The following ELP1 variants were observed in gnomAD, a reference collection of about 807,000 sequenced individuals.
ELP1 encodes elongator acetyltransferase complex subunit 1.
In ELP1, 131 loss-of-function variants were observed where a neutral mutation model predicts 183.2. The ratio of observed to expected loss-of-function variants is 0.72; its 90% CI spans 0.62 to 0.83. The LOEUF is 0.83. ELP1 is among the 40% of genes least tolerant of loss of function. The pLI is 0.00. For synonymous variants in ELP1, 555 were observed against 569.0 expected (o/e 0.98, Z 0.35); for missense variants, 1,550 against 1,594.9 (o/e 0.97, Z 0.48).
intron 29 of ELP1, among the ~76,000 whole-genome samples, chr9:108,887,495 T>C (rs1587880722): frequency 6.6e-6 from 1 of 152,164 alleles, no homozygotes; most frequent in Admixed American, 6.6e-5. Context: ...TTTAGCAAGG[T>C]TGCAGGATAC....
At chr9:108,912,777 CAG>C (rs1003884146) in intron 10 of ELP1, among the ~76,000 whole-genome samples, 19 of 136,042 alleles carry the variant, frequency 1.4e-4, no homozygotes, top group Admixed American at 2.3e-4. Flanking sequence ...TTTATTGACA[CAG>C]AGTCTCGCTC....
chr9:108,899,612 C>T (rs141147715), intron 20 of ELP1, among the ~76,000 whole-genome samples: 130 of 149,822 alleles, frequency 8.7e-4, no homozygotes, highest in African/African-American at 3.1e-3. Flanking sequence ...ATGAGTGTCA[C>T]GATTCTTTCT....
chr9:108,929,781 G>T lies in ELP1; in HGVS notation c.291C>A (p.Leu97=), dbSNP rs1829937643. The T allele has an allele frequency of 6.2e-7, 1 of 1,613,942 alleles. No homozygotes were observed. Among genetic ancestry groups the T allele is most frequent in the Non-Finnish European group, 8.5e-7 (1 of 1,180,036 alleles). ...GTCTTCCACTTACCTGTTGTGTGCTGAGACTGCAGAGTATGACGTCTCCAG... is the reference window on the plus strand; with the variant it reads ...GTCTTCCACTTACCTGTTGTGTGCTTAGACTGCAGAGTATGACGTCTCCAG... The part of the protein sequence containing the change: ...TASGDVILCS[L]STQQLECVGS... Residue 97 remains leucine (L), a synonymous_variant, in exon 3 of 37, where the codon CTC becomes CTA. Coordinates refer to ENST00000374647, the MANE Select transcript of ELP1 (RefSeq NM_003640.5).
chr9:108,927,777 A>G (rs796503215), intron 3 of ELP1, among the ~76,000 whole-genome samples: 34 of 152,320 alleles, frequency 2.2e-4, no homozygotes, highest in African/African-American at 7.9e-4. Flanking sequence ...AGTGAAATAA[A>G]CCAGACACAA....
At chr9:108,882,307 T>C in intron 29 of ELP1, 120 bp from the exon 30 acceptor site, 1 of 750,108 alleles carries the variant, frequency 1.3e-6, no homozygotes. Flanking sequence ...GAACTCCTAG[T>C]TCTCAACATC....
At chr9:108,917,176 C>G (rs993399152) in intron 9 of ELP1, among the ~76,000 whole-genome samples, 1 of 152,102 alleles carries the variant, frequency 6.6e-6, no homozygotes. Flanking sequence ...AAATATAAAT[C>G]CCCTCTATAG....
At chr9:108,926,405 G>T in intron 5 of ELP1, 118 bp downstream of exon 5, 2 of 803,294 alleles carry the variant, frequency 2.5e-6, no homozygotes, top group Non-Finnish European at 2.1e-6. Flanking sequence ...ACATTTAATA[G>T]CTGGGGGTTT....
chr9:108,869,073 G>A lies in ELP1; in HGVS notation c.*42C>T, dbSNP rs1189846394. 6.4e-7 allele frequency: 1 copy of A among 1,552,480 alleles called. No individual in the cohort carries two copies. The highest frequency in any genetic ancestry group is 8.9e-7 in the Non-Finnish European group (1 of 1,123,676). ...GGGTGGTAGGACAACAGGAATGAGTGGAAATGGTCTTCTCTGTCGGATCCC... is the reference window on the plus strand; with the variant it reads ...GGGTGGTAGGACAACAGGAATGAGTAGAAATGGTCTTCTCTGTCGGATCCC... On this transcript the variant is annotated 3_prime_UTR_variant, in exon 37 of 37. Transcript: ENST00000374647.
At chr9:108,879,392 C>T (rs1827826140) in intron 33 of ELP1, 54 bp downstream of exon 33, 2 of 1,360,020 alleles carry the variant, frequency 1.5e-6, no homozygotes, top group Non-Finnish European at 2.1e-6. Flanking sequence ...TTTGCTTCCA[C>T]TTTCCCTATA....
chr9:108,896,675 C>T (rs1182778570), intron 24 of ELP1, 31 bp from the exon 25 acceptor site: 25 of 1,610,396 alleles, frequency 1.6e-5, no homozygotes, highest in Non-Finnish European at 2.0e-5. Flanking sequence ...AAACAGAACA[C>T]AATCATTTGG....
intron 25 of ELP1, among the ~76,000 whole-genome samples, chr9:108,894,847 A>G (rs535500457): frequency 6.6e-6 from 1 of 152,342 alleles, no homozygotes; most frequent in East Asian, 1.9e-4. Context: ...CTCCAGCTCT[A>G]TGCCATGCCC....
chr9:108,927,402 G>A lies in ELP1; in HGVS notation c.355C>T (p.Pro119Ser). The change falls in exon 4 of 37, where the codon CCT becomes TCT. Residue 119 changes from proline to serine, a missense_variant. Transcript: ENST00000374647. ...GCAAGAAGCACCAGCTCTTGGTCAG[G>A]ACTCCAACTCATAACAGAGATACCA... Reference protein sequence around the residue: ...ASGISVMSWSPDQELVLLATG... With the variant: ...ASGISVMSWSSDQELVLLATG... 2 of 1,613,766 alleles carry A rather than the reference G, an allele frequency of 1.2e-6. No individual in the cohort carries two copies. The highest frequency in any genetic ancestry group is 1.7e-6 in the Non-Finnish European group (2 of 1,179,802).
At position 108,900,816 on chromosome 9, in the gene ELP1, CAT is replaced by C. The variant is rs1193517860; in HGVS notation, c.2015-443_2015-442del. Among the ~76,000 whole-genome samples, 9 of 126,058 alleles carry C rather than the reference CAT, an allele frequency of 7.1e-5. 1 individual carries two copies. In the East Asian group the frequency reaches 7.7e-4, roughly 11 times the overall value. The allele number at this position is 126,058 out of a possible 152,430, so 82.7% of individuals were successfully genotyped here. A position where few individuals can be genotyped will look rare whatever the true frequency, so the allele number is the denominator to read the frequency against. ...CACACACACATACACGCCACACACACATACACGCCACACACACATACACGCCA... is the reference window on the plus strand; with the variant it reads ...CACACACACATACACGCCACACACACACACGCCACACACACATACACGCCA... On this transcript the variant is annotated intron_variant, in intron 18 of 36. Coordinates refer to ENST00000374647, the MANE Select transcript of ELP1 (RefSeq NM_003640.5).
chr9:108,907,398 T>C (rs1254156291), intron 13 of ELP1, among the ~76,000 whole-genome samples: 1 of 152,234 alleles, frequency 6.6e-6, no homozygotes, highest in Non-Finnish European at 1.5e-5. Flanking sequence ...AAATAATGCA[T>C]GTAAATGCTC....
intron 6 of ELP1, among the ~76,000 whole-genome samples, 189 bp from the exon 7 acceptor site, chr9:108,919,538 T>A (rs1253619847): frequency 1.4e-5 from 2 of 145,928 alleles, no homozygotes; most frequent in Non-Finnish European, 1.5e-5. Flanking sequence ...AAGAAAAAAA[T>A]GTAAAACAAA....
chr9:108,916,714 A>C (rs1015408875), intron 9 of ELP1, among the ~76,000 whole-genome samples: 1 of 152,208 alleles, frequency 6.6e-6, no homozygotes, highest in Non-Finnish European at 1.5e-5. Flanking sequence ...CAGGAAATAA[A>C]AATATATGTA....
chr9:108,932,361 G>C (rs920004951), intron 1 of ELP1, among the ~76,000 whole-genome samples: 1 of 151,186 alleles, frequency 6.6e-6, no homozygotes, highest in Non-Finnish European at 1.5e-5. Context: ...TGTTTTTTGA[G>C]ACGGAGTTTC....
At chr9:108,893,880 A>T (rs370734191) in intron 26 of ELP1, 63 bp downstream of exon 26, 3 of 1,561,256 alleles carry the variant, frequency 1.9e-6, no homozygotes, top group Admixed American at 3.3e-5. Flanking sequence ...AGTTTAATTT[A>T]TACCTTGCCT....
chr9:108,891,969 G>C (rs996834163), intron 27 of ELP1, among the ~76,000 whole-genome samples: 2 of 152,196 alleles, frequency 1.3e-5, no homozygotes, highest in African/African-American at 4.8e-5. Flanking sequence ...CTAGAGCAGA[G>C]AGAGTGTGGA....
Sources: gnomAD v4.1 joint callset for allele counts (sites outside exome capture counted in the v4.1 genomes callset) on GRCh38, gnomAD v4.1.1 for gene constraint, MANE v1.5 for transcripts, NCBI Gene and HGNC (gene_info 2026-07-23, HGNC 2026-07-21) for gene names.